Variants in ZNF532 observed in about 807,000 individuals in gnomAD.
ZNF532 encodes the protein zinc finger protein 532.
ZNF532 carries 22 observed loss-of-function variants against 89.3 expected under a neutral mutation model. That is an observed-to-expected ratio of 0.25 (90% CI 0.18 to 0.35). The LOEUF is 0.35. ZNF532 is among the 10% of genes least tolerant of loss of function. The pLI, the probability that ZNF532 is intolerant of heterozygous loss-of-function variation, is 1.00. For missense variants in ZNF532, 1,132 were observed against 1,643.4 expected, an observed-to-expected ratio of 0.69 and a Z score of 5.38; for synonymous variants, 606 against 649.6, an observed-to-expected ratio of 0.93 and a Z score of 1.02.
intron 2 of ZNF532, among the ~76,000 whole-genome samples, chr18:58,875,857 C>T (rs73959533): frequency 0.028 from 4,312 of 151,710 alleles, 211 homozygotes; most frequent in African/African-American, 0.099. Context: ...GCTGGTGTTC[C>T]GTACCTCTCG....
At position 58,984,445 on chromosome 18, in the gene ZNF532, G is replaced by A. The variant is rs1206438300; in HGVS notation, c.3885G>A (p.Arg1295=). ...THGMAFIKSK[R]MSSAEK Reference sequence around the variant, plus strand: ...GCATGGCCTTCATCAAATCCAAAAGGATGAGCTCAGCCGAGAAATAGCCAC... The same window carrying A: ...GCATGGCCTTCATCAAATCCAAAAGAATGAGCTCAGCCGAGAAATAGCCAC... Residue 1295 remains arginine, a synonymous_variant, in exon 10 of 10, where the codon AGG becomes AGA. Coordinates refer to ENST00000591808, the MANE Select transcript of ZNF532 (RefSeq NM_001375912.1). 34 of 1,608,356 alleles carry A rather than the reference G, an allele frequency of 2.1e-5. No homozygotes were observed. The highest frequency in any genetic ancestry group is 2.8e-5 in the Non-Finnish European group (33 of 1,176,844).
chr18:58,916,657 G>A (rs1395354304), intron 2 of ZNF532: 4 of 966,106 alleles, frequency 4.1e-6, no homozygotes, highest in Non-Finnish European at 4.9e-6. Context: ...CGAACCCTAA[G>A]TGTTGATTTC....
chr18:58,933,989 C>G (rs940426583), intron 3 of ZNF532, among the ~76,000 whole-genome samples: 1 of 152,130 alleles, frequency 6.6e-6, no homozygotes, highest in Non-Finnish European at 1.5e-5. Flanking sequence ...GGTTGGTGAA[C>G]AATTGGATTA....
At chr18:58,898,007 C>T (rs1170092505) in intron 2 of ZNF532, among the ~76,000 whole-genome samples, 1 of 152,108 alleles carries the variant, frequency 6.6e-6, no homozygotes, top group Non-Finnish European at 1.5e-5. Flanking sequence ...TTACTTAACT[C>T]CTTTCAACAA....
At chr18:58,893,177 T>C (rs2059019381) in intron 2 of ZNF532, among the ~76,000 whole-genome samples, 1 of 151,976 alleles carries the variant, frequency 6.6e-6, no homozygotes, top group Non-Finnish European at 1.5e-5. Flanking sequence ...CGGGGTTTCA[T>C]GTGTTGGCCA....
rs138699677 is a variant in ZNF532, at chr18:58,981,490, G to T, written c.3284G>T (p.Arg1095Leu). ...YACSHCPDSR[R>L]TFTKRLMLEK... ...CACAGGCACTGCCCAGACTCCAGAC[G>T]TACCTTTACCAAACGTTTGATGCTG... The change falls in exon 9 of 10, where the codon CGT (arginine) becomes CTT (leucine). Residue 1095 changes from arginine (R) to leucine (L), a missense_variant. Arg to Leu is a moderately radical substitution (Grantham distance 102). Transcript: ENST00000591808. 6.2e-7 allele frequency: 1 copy of T among 1,613,154 alleles called. No homozygotes were observed. Among genetic ancestry groups the T allele is most frequent in the Non-Finnish European group, 8.5e-7 (1 of 1,179,924 alleles).
At chr18:58,894,467 C>CAAAAAA (rs149027291) in intron 2 of ZNF532, among the ~76,000 whole-genome samples, 2 of 77,866 alleles carry the variant, frequency 2.6e-5, no homozygotes, top group Non-Finnish European at 2.8e-5. Flanking sequence ...GACTCCATCT[C>CAAAAAA]AAAAAAAAAA....
intron 8 of ZNF532, chr18:58,980,217 GATA>G (rs2147691297): frequency 6.6e-6 from 1 of 152,290 alleles, no homozygotes; most frequent in African/African-American, 2.4e-5. Flanking sequence ...TGTTTAGTGA[GATA>G]AGAATGATTA....
intron 2 of ZNF532, among the ~76,000 whole-genome samples, chr18:58,879,728 A>G (rs1005513576): frequency 3.9e-5 from 6 of 152,144 alleles, no homozygotes; most frequent in Admixed American, 3.3e-4. Flanking sequence ...ACTCTTGTTC[A>G]TACATTAAAA....
Position 58,954,283 on chromosome 18 carries a change from C to T in ZNF532, c.3150+484C>T, listed in dbSNP as rs899071424. On this transcript the variant is annotated intron_variant, in intron 7 of 9. Transcript: ENST00000591808. ...ACTTCCAGTAGAAGCTCTGTAACTCCAAGTCACTGAAAAATCTGAGTCACA... is the reference window on the plus strand; with the variant it reads ...ACTTCCAGTAGAAGCTCTGTAACTCTAAGTCACTGAAAAATCTGAGTCACA... 6.1e-6 allele frequency: 6 copies of T among 986,986 alleles called. No homozygotes were observed. The African/African-American group carries it at 1.0e-4, about 17-fold the overall frequency. The allele number at this position is 986,986 out of a possible 1,614,324, so 61.1% of individuals were successfully genotyped here.
Position 58,918,516 on chromosome 18 carries a change from G to A in ZNF532, c.229G>A (p.Gly77Arg), listed in dbSNP as rs773265862. ...NVRNIDSSEGGEKDGHNPTGN... is the reference protein window; with the variant it reads ...NVRNIDSSEGREKDGHNPTGN... ...TCGGAACATTGACTCTTCCGAGGGC[G>A]GGGAGAAAGACGGCCACAACCCCAC... is the stretch of plus-strand genomic sequence containing the variant. The change falls in exon 3 of 10, where the codon GGG becomes AGG. Residue 77 changes from glycine (G) to arginine (R), a missense_variant. Gly to Arg is a moderately radical substitution (Grantham distance 125). Coordinates refer to ENST00000591808, the MANE Select transcript of ZNF532 (RefSeq NM_001375912.1). The A allele has an allele frequency of 5.0e-6, 8 of 1,614,056 alleles. No homozygotes were observed. The highest frequency in any genetic ancestry group is 1.6e-4 in the Middle Eastern group (1 of 6,084).
At chr18:58,866,144 C>T (rs771069767) in intron 2 of ZNF532, among the ~76,000 whole-genome samples, 3 of 152,106 alleles carry the variant, frequency 2.0e-5, no homozygotes, top group African/African-American at 4.8e-5. Context: ...TTCTTTGTGG[C>T]ATATGTTTAA....
At chr18:58,928,487 C>T (rs965844785) in intron 3 of ZNF532, among the ~76,000 whole-genome samples, 1 of 152,202 alleles carries the variant, frequency 6.6e-6, no homozygotes, top group Non-Finnish European at 1.5e-5. Context: ...GCTCGAGGCT[C>T]TCTGCCATAC....
At chr18:58,964,535 TTGTGTGTGTGTGTGTGTGTGTGTG>T (rs200298951) in intron 7 of ZNF532, among the ~76,000 whole-genome samples, 8 of 138,554 alleles carry the variant, frequency 5.8e-5, no homozygotes, top group South Asian at 2.4e-4. Context: ...GATATTTTGT[TTGTGTGTGTGTGTGTGTGTGTGTG>T]TGTGTGTGTG....
Position 58,927,705 on chromosome 18 carries a change from C to T in ZNF532, c.2347-6728C>T, listed in dbSNP as rs769336504. On this transcript the variant is annotated intron_variant, in intron 3 of 9. Transcript: ENST00000591808. ...CTTATTCCATTTTCCTCAAAGTGGA[C>T]GTTTTACTCCATGTTTAAAAAAGAT... Among the ~76,000 whole-genome samples, 38 of 152,040 alleles carry T rather than the reference C, an allele frequency of 2.5e-4. 1 individual carries two copies. Among genetic ancestry groups the T allele is most frequent in the Non-Finnish European group, 7.4e-5 (5 of 68,012 alleles).
intron 3 of ZNF532, among the ~76,000 whole-genome samples, chr18:58,924,633 T>C (rs1288375856): frequency 6.6e-6 from 1 of 152,222 alleles, no homozygotes; most frequent in Non-Finnish European, 1.5e-5. Flanking sequence ...AGAGAGAACT[T>C]GTATACCCTT....
intron 7 of ZNF532, among the ~76,000 whole-genome samples, chr18:58,975,292 C>G (rs2066916438): frequency 6.6e-6 from 1 of 152,268 alleles, no homozygotes; most frequent in South Asian, 2.1e-4. Context: ...TAAGGAGGCT[C>G]TTGCATGTTG....
intron 5 of ZNF532, among the ~76,000 whole-genome samples, chr18:58,942,333 CCCTCCCTCCCTCCCTCCCTT>C (rs2063216500): frequency 5.1e-5 from 3 of 59,272 alleles, no homozygotes; most frequent in Non-Finnish European, 9.6e-5. Flanking sequence ...CTCCCTCCCT[CCCTCCCTCCCTCCCTCCCTT>C]CCTTCCTTCC....
intron 5 of ZNF532, 144 bp downstream of exon 5, chr18:58,939,765 C>CA: frequency 6.4e-6 from 4 of 624,396 alleles, no homozygotes; most frequent in Non-Finnish European, 1.0e-5. Context: ...TGAAATACAG[C>CA]TCATAGCTCA....
Sources: allele counts gnomAD v4.1 joint callset (sites outside exome capture counted in the v4.1 genomes callset), GRCh38; gene constraint gnomAD v4.1.1; transcripts MANE v1.5; gene names NCBI Gene and HGNC (gene_info 2026-07-23, HGNC 2026-07-21).